CCDC15: variants seen among roughly 807,000 people sequenced by gnomAD.
The protein encoded by CCDC15 is coiled-coil domain-containing protein 15.
A neutral mutation model predicts 114.5 loss-of-function variants in CCDC15; 105 were observed. The ratio of observed to expected loss-of-function variants is 0.92; its 90% CI spans 0.78 to 1.08. The LOEUF (loss-of-function observed/expected upper bound fraction) is 1.08, where lower values mean the gene tolerates loss of function less well. Ranked by LOEUF, CCDC15 falls within the 50% of genes least tolerant of loss-of-function variation. The probability of loss-of-function intolerance (pLI) is 0.00; values close to 1 mark genes in which losing one functional copy is unlikely to be tolerated. For missense variants in CCDC15, 1,105 were observed against 1,093.6 expected (o/e 1.01, Z -0.15); for synonymous variants, 334 against 377.8 (o/e 0.88, Z 1.34).
At chr11:124,969,206 G>A (rs935893169) in intron 4 of CCDC15, among the ~76,000 whole-genome samples, 2 of 151,950 alleles carry the variant, frequency 1.3e-5, no homozygotes, top group African/African-American at 2.4e-5. Flanking sequence ...CTCTTAATCC[G>A]CACCCCTTAC....
intron 13 of CCDC15, among the ~76,000 whole-genome samples, chr11:125,008,512 T>C (rs1390546396): frequency 6.6e-6 from 1 of 152,184 alleles, no homozygotes; most frequent in Non-Finnish European, 1.5e-5. Flanking sequence ...TTATTTCCTT[T>C]CGTTGCCTTA....
At chr11:124,954,631 C>G in intron 1 of CCDC15, 93 bp from the exon 2 acceptor site, 1 of 1,103,014 alleles carries the variant, frequency 9.1e-7, no homozygotes, top group Non-Finnish European at 1.3e-6. Flanking sequence ...CAGGGCTTCT[C>G]TCCTTTTCAC....
At chr11:124,980,940 C>G (rs1948063696) in intron 6 of CCDC15, among the ~76,000 whole-genome samples, 1 of 152,130 alleles carries the variant, frequency 6.6e-6, no homozygotes, top group Non-Finnish European at 1.5e-5. Flanking sequence ...GGCTGTGTCC[C>G]ACAGATTCTG....
intron 4 of CCDC15, among the ~76,000 whole-genome samples, chr11:124,974,827 A>T (rs1032438708): frequency 6.6e-6 from 1 of 152,212 alleles, no homozygotes. Context: ...ATTTTTGTGT[A>T]CATGCTTTAT....
At chr11:125,016,980 T>C (rs746636825) in intron 13 of CCDC15, among the ~76,000 whole-genome samples, 1 of 152,206 alleles carries the variant, frequency 6.6e-6, no homozygotes, top group African/African-American at 2.4e-5. Context: ...CTTAATCTTG[T>C]ATTGATAGTT....
intron 4 of CCDC15, among the ~76,000 whole-genome samples, chr11:124,964,798 A>G (rs1947741166): frequency 6.6e-6 from 1 of 152,162 alleles, no homozygotes; most frequent in Non-Finnish European, 1.5e-5. Flanking sequence ...AGCTCTTATT[A>G]TTTTGAGATA....
chr11:125,014,300 T>C (rs1041610605), intron 13 of CCDC15, among the ~76,000 whole-genome samples: 1 of 152,220 alleles, frequency 6.6e-6, no homozygotes, highest in Non-Finnish European at 1.5e-5. Flanking sequence ...AGTGTGAACT[T>C]TCTCTGGTTA....
chr11:124,988,618 GT>G (rs2135487160), intron 8 of CCDC15, among the ~76,000 whole-genome samples: 1 of 152,274 alleles, frequency 6.6e-6, no homozygotes, highest in South Asian at 2.1e-4. Flanking sequence ...ATGTGATAAT[GT>G]TTGATAGCAT....
At chr11:124,968,030 G>A (rs535503982) in intron 4 of CCDC15, among the ~76,000 whole-genome samples, 16 of 152,242 alleles carry the variant, frequency 1.1e-4, no homozygotes, top group African/African-American at 2.6e-4. Flanking sequence ...TGGAAGCTTC[G>A]TCTCAGAGGG....
chr11:124,987,219 A>G lies in CCDC15; in HGVS notation c.993A>G (p.Glu331=), dbSNP rs1948183330. The G allele has an allele frequency of 7.1e-6, 11 of 1,542,890 alleles. No individual in the cohort carries two copies. The highest frequency in any genetic ancestry group is 9.6e-6 in the Non-Finnish European group (11 of 1,151,640). The part of the protein sequence containing the change: ...HFEGLQDILP[E]AQDYFLEAQG... ...AGGGCCTTCAGGATATTCTGCCAGA[A>G]GCCCAGGATTATTTTCTAGAAGCCC... Residue 331 remains glutamate (E), a synonymous_variant, in exon 8 of 16, where the codon GAA becomes GAG. Coordinates refer to ENST00000344762, the MANE Select transcript of CCDC15 (RefSeq NM_025004.3).
At chr11:125,007,465 T>C (rs1174347419) in intron 13 of CCDC15, among the ~76,000 whole-genome samples, 1 of 152,244 alleles carries the variant, frequency 6.6e-6, no homozygotes, top group East Asian at 1.9e-4. Flanking sequence ...CCACATTTTC[T>C]TTGTGTCCCT....
chr11:125,034,406 A>G (rs1041682485), intron 13 of CCDC15, among the ~76,000 whole-genome samples: 3 of 152,192 alleles, frequency 2.0e-5, no homozygotes, highest in African/African-American at 7.2e-5. Context: ...CTCGCGTGAT[A>G]AAAGCTTGTG....
At chr11:124,966,003 A>G (rs1357210242) in intron 4 of CCDC15, among the ~76,000 whole-genome samples, 2 of 152,180 alleles carry the variant, frequency 1.3e-5, no homozygotes, top group Non-Finnish European at 2.9e-5. Flanking sequence ...GTCATCTGAG[A>G]GACAGTCTGT....
intron 4 of CCDC15, among the ~76,000 whole-genome samples, chr11:124,963,630 G>A (rs1258287798): frequency 3.3e-5 from 5 of 152,274 alleles, no homozygotes; most frequent in African/African-American, 1.2e-4. Context: ...TTGCTGTGCA[G>A]AAGCTCTTTA....
At position 125,028,990 on chromosome 11, in the gene CCDC15, C is replaced by T. The variant is rs532276197; in HGVS notation, c.2412-9441C>T. On this transcript the variant is annotated intron_variant, in intron 13 of 15. Transcript: ENST00000344762. ...GCAGGCTGAGGAGCAAGGAGAACCA[C>T]TCTGAGTCCCAAAACGAAAGAACCT... Among the ~76,000 whole-genome samples, 6 of 152,264 alleles carry T rather than the reference C, an allele frequency of 3.9e-5. No homozygotes were observed. The South Asian group carries it at 1.2e-3, about 32-fold the overall frequency.
At chr11:124,988,157 T>G (rs1013156143) in intron 8 of CCDC15, 23 bp downstream of exon 8, 1 of 1,584,004 alleles carries the variant, frequency 6.3e-7, no homozygotes, top group East Asian at 2.2e-5. Context: ...AGAAAGGAGA[T>G]ACAAAAAGAA....
At chr11:124,960,947 T>A (rs1947648538) in intron 4 of CCDC15, among the ~76,000 whole-genome samples, 1 of 152,258 alleles carries the variant, frequency 6.6e-6, no homozygotes, top group African/African-American at 2.4e-5. Flanking sequence ...ACATACTTGG[T>A]CAAAATTTAA....
chr11:124,987,653 A>G lies in CCDC15; in HGVS notation c.1427A>G (p.Asp476Gly), dbSNP rs1191773104. Residue 476 changes from aspartate (D) to glycine (G), a missense_variant, in exon 8 of 16, where the codon GAC becomes GGC. Transcript: ENST00000344762. The part of the protein sequence containing the change: ...KYQDQNFLPK[D>G]QNFLSRDQHV... ...CAGGACCAGAATTTTCTACCTAAGG[A>G]CCAGAATTTTTTATCTAGAGACCAG... is the stretch of plus-strand genomic sequence containing the variant. 6.2e-7 allele frequency: 1 copy of G among 1,613,842 alleles called. No homozygotes were observed. Among genetic ancestry groups the G allele is most frequent in the East Asian group, 2.2e-5 (1 of 44,888 alleles).
Position 124,975,090 on chromosome 11 carries a change from T to C in CCDC15, c.517-6T>C. On this transcript the variant is annotated splice_region_variant and splice_polypyrimidine_tract_variant and intron_variant, in intron 4 of 15. Coordinates refer to ENST00000344762, the MANE Select transcript of CCDC15 (RefSeq NM_025004.3). Reference sequence around the variant, plus strand: ...TTGTTTGCTTTCTTCCCCCTTTCCCTGGCAGCTTAGTGAAACTATGAAACA... The same window carrying C: ...TTGTTTGCTTTCTTCCCCCTTTCCCCGGCAGCTTAGTGAAACTATGAAACA... The C allele has an allele frequency of 3.2e-6, 5 of 1,556,534 alleles. No homozygotes were observed. Among genetic ancestry groups the C allele is most frequent in the Non-Finnish European group, 4.3e-6 (5 of 1,151,794 alleles).
Sources: allele counts gnomAD v4.1 joint callset (sites outside exome capture counted in the v4.1 genomes callset), GRCh38; gene constraint gnomAD v4.1.1; transcripts MANE v1.5; gene names NCBI Gene and HGNC (gene_info 2026-07-23, HGNC 2026-07-21).